Variants in LRRC37A2 observed in about 807,000 individuals in gnomAD.
LRRC37A2 encodes the protein leucine-rich repeat-containing protein 37A2.
LRRC37A2 carries 9 observed loss-of-function variants against 68.8 expected under a neutral mutation model. The ratio of observed to expected loss-of-function variants is 0.13; its 90% CI spans 0.08 to 0.23. LRRC37A2 has a LOEUF of 0.23. LRRC37A2 is among the 10% of genes least tolerant of loss of function. The probability of loss-of-function intolerance (pLI) is 1.00; values close to 1 mark genes in which losing one functional copy is unlikely to be tolerated. For synonymous variants in LRRC37A2, 63 were observed against 367.6 expected (o/e 0.17, Z 9.48); for missense variants, 168 against 950.4 (o/e 0.18, Z 10.82).
the LRRC37A2 span, among the ~76,000 whole-genome samples, chr17:46,790,794 C>T: frequency 1.6e-4 from 25 of 152,242 alleles, no homozygotes; most frequent in African/African-American, 5.1e-4. Flanking sequence ...CCTCCGTTTC[C>T]GTCCACCTTG....
chr17:47,003,119 C>T, the LRRC37A2 span, among the ~76,000 whole-genome samples: 1 of 151,120 alleles, frequency 6.6e-6, no homozygotes, highest in Non-Finnish European at 1.5e-5. Context: ...GCTTGGTGGT[C>T]CAGGTCTGTA....
chr17:46,854,031 C>T, the LRRC37A2 span, among the ~76,000 whole-genome samples: 10 of 152,156 alleles, frequency 6.6e-5, no homozygotes, highest in Non-Finnish European at 1.5e-4. Flanking sequence ...TCGGAGCCAC[C>T]TCTTCCAGGT....
At chr17:46,409,010 A>T in the LRRC37A2 span, 1 of 402,466 alleles carries the variant, frequency 2.5e-6, no homozygotes, top group Middle Eastern at 6.7e-4. Context: ...AATGTGGAGT[A>T]CTAACTGTGT....
chr17:46,940,796 T>C, the LRRC37A2 span: 2 of 1,489,794 alleles, frequency 1.3e-6, no homozygotes, highest in Non-Finnish European at 8.9e-7. Context: ...GCAGAGGTGG[T>C]TTTTGGGTCT....
the LRRC37A2 span, among the ~76,000 whole-genome samples, chr17:46,868,671 C>T: frequency 6.6e-6 from 1 of 152,088 alleles, no homozygotes; most frequent in Admixed American, 6.5e-5. Flanking sequence ...CTAAGGAAGC[C>T]CACTTGAATT....
the LRRC37A2 span, among the ~76,000 whole-genome samples, chr17:46,987,738 A>G: frequency 2.0e-5 from 3 of 152,228 alleles, no homozygotes; most frequent in Non-Finnish European, 2.9e-5. Flanking sequence ...GCTATTTATC[A>G]CTAGATGAAG....
the LRRC37A2 span, among the ~76,000 whole-genome samples, chr17:46,858,036 T>A: frequency 6.6e-6 from 1 of 152,176 alleles, no homozygotes; most frequent in Non-Finnish European, 1.5e-5. Context: ...TTCAAGCAAT[T>A]CTTGTGGCTC....
chr17:46,851,849 C>A, the LRRC37A2 span: 1 of 412,822 alleles, frequency 2.4e-6, no homozygotes, highest in Non-Finnish European at 4.1e-6. The surrounding 1 kb of genome is among the most constrained non-coding windows in gnomAD (Gnocchi z 4.3). Context: ...TAGCCCGGCG[C>A]GACCCAACCC....
At chr17:46,855,481 A>T in the LRRC37A2 span, among the ~76,000 whole-genome samples, 1 of 152,124 alleles carries the variant, frequency 6.6e-6, no homozygotes, top group East Asian at 1.9e-4. Context: ...CAAGTCACTC[A>T]TCTCCAAGGT....
the LRRC37A2 span, among the ~76,000 whole-genome samples, chr17:46,817,594 C>T: frequency 2.0e-5 from 3 of 152,160 alleles, no homozygotes; most frequent in South Asian, 2.1e-4. Flanking sequence ...GCTCCCAAAG[C>T]GATGTTTATT....
chr17:47,026,933 T>C, the LRRC37A2 span, among the ~76,000 whole-genome samples: 30 of 137,638 alleles, frequency 2.2e-4, no homozygotes, highest in African/African-American at 7.4e-4. Context: ...TTGTTTGTGA[T>C]GGAGTCTCGC....
the LRRC37A2 span, among the ~76,000 whole-genome samples, chr17:46,717,913 G>T: frequency 1.3e-5 from 2 of 152,160 alleles, no homozygotes; most frequent in Admixed American, 6.5e-5. Flanking sequence ...TATGAGCTCA[G>T]CCTTCAGCAA....
the LRRC37A2 span, among the ~76,000 whole-genome samples, chr17:46,726,275 T>C: frequency 6.6e-6 from 1 of 152,172 alleles, no homozygotes; most frequent in African/African-American, 2.4e-5. Flanking sequence ...CAGAGACCAG[T>C]GTGATAGAAG....
At chr17:47,038,301 G>A in the LRRC37A2 span, among the ~76,000 whole-genome samples, 1 of 151,982 alleles carries the variant, frequency 6.6e-6, no homozygotes, top group South Asian at 2.1e-4. Flanking sequence ...AACCTGTCTT[G>A]AAAAATGAAC....
At chr17:46,867,700 G>C in the LRRC37A2 span, among the ~76,000 whole-genome samples, 1 of 151,646 alleles carries the variant, frequency 6.6e-6, no homozygotes, top group Non-Finnish European at 1.5e-5. Context: ...TTGTGGGTGG[G>C]GTGTGTGTTG....
At chr17:46,953,267 A>G in the LRRC37A2 span, among the ~76,000 whole-genome samples, 3 of 151,478 alleles carry the variant, frequency 2.0e-5, no homozygotes, top group African/African-American at 4.9e-5. Flanking sequence ...CTCATTGTTC[A>G]ATTCCCACCT....
chr17:46,995,910 A>C, the LRRC37A2 span, among the ~76,000 whole-genome samples: 1 of 152,142 alleles, frequency 6.6e-6, no homozygotes, highest in African/African-American at 2.4e-5. Flanking sequence ...TCCATCCTGC[A>C]ACTGGAGTTC....
chr17:47,015,954 A>AT, the LRRC37A2 span, among the ~76,000 whole-genome samples: 1 of 151,538 alleles, frequency 6.6e-6, no homozygotes, highest in Admixed American at 6.6e-5. Context: ...ATTTTATTTT[A>AT]TTTTTTTGAG....
At chr17:46,866,499 T>C in the LRRC37A2 span, among the ~76,000 whole-genome samples, 1 of 151,568 alleles carries the variant, frequency 6.6e-6, no homozygotes, top group Admixed American at 6.6e-5. Flanking sequence ...TGTAGGGGGA[T>C]CAGTGAGGGC....
Sources: gnomAD v4.1 joint callset for allele counts (sites outside exome capture counted in the v4.1 genomes callset) on GRCh38, gnomAD v4.1.1 for gene constraint, Gnocchi (gnomAD v3.1) non-coding constraint, MANE v1.5 for transcripts, NCBI Gene and HGNC (gene_info 2026-07-23, HGNC 2026-07-21) for gene names.